KCNMA1: variants seen among roughly 807,000 people sequenced by gnomAD.
KCNMA1 encodes Calcium-activated potassium channel subunit alpha-1.
A neutral mutation model predicts 140.0 loss-of-function variants in KCNMA1; 29 were observed. The observed-to-expected ratio is 0.21, with a 90% CI of 0.15 to 0.28. KCNMA1 has a LOEUF of 0.28. Ranked by LOEUF, KCNMA1 falls within the 10% of genes least tolerant of loss-of-function variation. The pLI is 1.00. For missense variants in KCNMA1, 880 were observed against 1,602.2 expected (o/e 0.55, Z 7.70); for synonymous variants, 612 against 611.9 (o/e 1.00, Z 0.00).
chr10:77,254,807 C>A lies in KCNMA1; in HGVS notation c.541-3551G>T, dbSNP rs1600162685. On this transcript the variant is annotated intron_variant, in intron 2 of 27. Transcript: ENST00000286628. The stretch of plus-strand genomic sequence containing the variant: ...TTGCAAGCTTCTATAGTTTCAGGGA[C>A]AAGGAGGACAGAAGCCCAAGGGACA... Among the ~76,000 whole-genome samples the A allele has an allele frequency of 2.0e-5, 3 of 152,088 alleles. No homozygotes were observed. In the East Asian group the frequency reaches 5.8e-4, roughly 29 times the overall value.
At chr10:77,569,979 C>A (rs1012421363) in intron 1 of KCNMA1, among the ~76,000 whole-genome samples, 4 of 151,730 alleles carry the variant, frequency 2.6e-5, no homozygotes, top group Non-Finnish European at 4.4e-5. Context: ...AAAAAACACA[C>A]GAAAAAATGC....
chr10:77,544,923 T>C (rs894190183), intron 1 of KCNMA1, among the ~76,000 whole-genome samples: 3 of 152,196 alleles, frequency 2.0e-5, no homozygotes, highest in Non-Finnish European at 2.9e-5. Flanking sequence ...TCCATAAGCA[T>C]TGTCTTCCAA....
chr10:77,302,364 G>T (rs2076737627), intron 2 of KCNMA1, among the ~76,000 whole-genome samples: 1 of 152,092 alleles, frequency 6.6e-6, no homozygotes, highest in South Asian at 2.1e-4. Context: ...GGTGTCCTGT[G>T]GCCAGTCCTG....
rs1378266888 is a variant in KCNMA1, at chr10:77,338,395, G to A, written c.540+65467C>T. ...GAGACTGAGGAATAAACATGCCAGGGTGGGGCTTTTTCTCTTTGCCCGGGA... is the reference window on the plus strand; with the variant it reads ...GAGACTGAGGAATAAACATGCCAGGATGGGGCTTTTTCTCTTTGCCCGGGA... On this transcript the variant is annotated intron_variant, in intron 2 of 27. Transcript: ENST00000286628. Among the ~76,000 whole-genome samples the A allele has an allele frequency of 2.6e-5, 4 of 152,278 alleles. No homozygotes were observed. The East Asian group carries it at 7.7e-4, about 29-fold the overall frequency.
chr10:77,138,996 C>T (rs1352561359), intron 5 of KCNMA1, among the ~76,000 whole-genome samples: 1 of 152,190 alleles, frequency 6.6e-6, no homozygotes, highest in Non-Finnish European at 1.5e-5. Context: ...GTGCCTGCCT[C>T]CTGCCCGTTC....
At chr10:77,257,258 C>T (rs1334504460) in intron 2 of KCNMA1, among the ~76,000 whole-genome samples, 1 of 152,186 alleles carries the variant, frequency 6.6e-6, no homozygotes, top group Non-Finnish European at 1.5e-5. Flanking sequence ...TGCCAACAAA[C>T]ATTTATTGAA....
At chr10:76,923,342 T>C (rs982810378) in intron 23 of KCNMA1, among the ~76,000 whole-genome samples, 4 of 149,416 alleles carry the variant, frequency 2.7e-5, no homozygotes, top group Non-Finnish European at 4.4e-5. Context: ...GGCAGGAAAA[T>C]GGCCTGAACC....
intron 14 of KCNMA1, among the ~76,000 whole-genome samples, chr10:77,067,354 G>A (rs1433079546): frequency 6.6e-6 from 1 of 152,112 alleles, no homozygotes; most frequent in African/African-American, 2.4e-5. Context: ...GACTTTGCTG[G>A]TTCTCAGATT....
intron 23 of KCNMA1, among the ~76,000 whole-genome samples, chr10:76,944,438 G>T (rs1484555000): frequency 1.3e-5 from 2 of 152,180 alleles, no homozygotes; most frequent in African/African-American, 4.8e-5. Flanking sequence ...GGTCAGAATT[G>T]TGCAGCCAGC....
At chr10:77,508,493 C>T (rs2047001313) in intron 1 of KCNMA1, among the ~76,000 whole-genome samples, 1 of 151,452 alleles carries the variant, frequency 6.6e-6, no homozygotes, top group Non-Finnish European at 1.5e-5. Context: ...CCTGCTTTGA[C>T]TTTTATGCTC....
chr10:77,346,279 G>T (rs552096651), intron 2 of KCNMA1, among the ~76,000 whole-genome samples: 6 of 152,300 alleles, frequency 3.9e-5, no homozygotes, highest in Admixed American at 1.3e-4. Context: ...CAACTGCTCA[G>T]CACATCTAAA....
At chr10:77,443,883 T>C (rs985925329) in intron 1 of KCNMA1, among the ~76,000 whole-genome samples, 5 of 152,194 alleles carry the variant, frequency 3.3e-5, no homozygotes, top group African/African-American at 1.2e-4. Flanking sequence ...GAAAATATTA[T>C]ATATTTCAAA....
intron 1 of KCNMA1, among the ~76,000 whole-genome samples, chr10:77,588,696 T>G (rs968212834): frequency 1.3e-5 from 2 of 152,192 alleles, no homozygotes; most frequent in African/African-American, 4.8e-5. Flanking sequence ...AGATAGATAA[T>G]ATTATCTTCT....
At chr10:77,618,376 T>C (rs1447859056) in intron 1 of KCNMA1, among the ~76,000 whole-genome samples, 2 of 152,200 alleles carry the variant, frequency 1.3e-5, no homozygotes, top group South Asian at 2.1e-4. Flanking sequence ...GTTGCCTCAA[T>C]GATTCCATCG....
At chr10:77,339,344 C>A (rs1015726978) in intron 2 of KCNMA1, among the ~76,000 whole-genome samples, 2 of 152,164 alleles carry the variant, frequency 1.3e-5, no homozygotes, top group African/African-American at 4.8e-5. Flanking sequence ...AGCCTCTCTG[C>A]TCCTGTGCTC....
intron 23 of KCNMA1, among the ~76,000 whole-genome samples, chr10:76,943,092 T>G (rs533545995): frequency 6.6e-6 from 1 of 152,272 alleles, no homozygotes; most frequent in Admixed American, 6.5e-5. Context: ...GTCAAGGGCT[T>G]AAAGGCAGGA....
chr10:77,368,019 T>G (rs1174324207), intron 2 of KCNMA1, among the ~76,000 whole-genome samples: 1 of 152,240 alleles, frequency 6.6e-6, no homozygotes, highest in Non-Finnish European at 1.5e-5. Flanking sequence ...GAATGTTTTT[T>G]CTGTAAACTT....
chr10:77,636,845 C>T, intron 1 of KCNMA1: 1 of 1,430,984 alleles, frequency 7.0e-7, no homozygotes, highest in Non-Finnish European at 9.1e-7. Flanking sequence ...TCCCTCTCGC[C>T]CACCGCCAGG....
intron 1 of KCNMA1, among the ~76,000 whole-genome samples, chr10:77,623,540 A>G (rs2091906359): frequency 6.6e-6 from 1 of 151,744 alleles, no homozygotes; most frequent in Admixed American, 6.6e-5. Flanking sequence ...TACTAAAAAT[A>G]CAAAAAAAAA....
Sources: allele counts gnomAD v4.1 joint callset (sites outside exome capture counted in the v4.1 genomes callset), GRCh38; gene constraint gnomAD v4.1.1; transcripts MANE v1.5; gene names NCBI Gene and HGNC (gene_info 2026-07-23, HGNC 2026-07-21).